Variants in LRP1B observed in about 807,000 individuals in gnomAD.
The protein encoded by LRP1B is LDL receptor related protein 1B, also known as low-density lipoprotein receptor-related protein 1B.
Under a neutral mutation model 556.6 loss-of-function variants are expected in LRP1B, and 217 were observed. The ratio of observed to expected loss-of-function variants is 0.39; its 90% CI spans 0.35 to 0.44. LRP1B has a LOEUF of 0.44. LRP1B is among the 20% of genes least tolerant of loss of function. The pLI is 1.00. For synonymous variants in LRP1B, 2,047 were observed against 1,865.8 expected (o/e 1.10, Z -2.50); for missense variants, 5,053 against 5,620.8 (o/e 0.90, Z 3.23).
At chr2:141,043,452 GA>G (rs1698767981) in intron 11 of LRP1B, among the ~76,000 whole-genome samples, 1 of 151,662 alleles carries the variant, frequency 6.6e-6, no homozygotes, top group South Asian at 2.1e-4. Flanking sequence ...TGTCTATTAT[GA>G]AAAAAGTTTG....
At chr2:141,474,392 T>A (rs1682621917) in intron 3 of LRP1B, among the ~76,000 whole-genome samples, 1 of 135,202 alleles carries the variant, frequency 7.4e-6, no homozygotes, top group African/African-American at 2.6e-5. Flanking sequence ...TGCCTCTAAG[T>A]TCTAAATCAC....
At chr2:141,236,850 G>A (rs184885061) in intron 5 of LRP1B, among the ~76,000 whole-genome samples, 1 of 152,162 alleles carries the variant, frequency 6.6e-6, no homozygotes, top group African/African-American at 2.4e-5. Context: ...TGGGAAAAAT[G>A]TAAGCCCCAG....
At chr2:140,334,957 G>A (rs1680996979) in intron 78 of LRP1B, among the ~76,000 whole-genome samples, 2 of 151,888 alleles carry the variant, frequency 1.3e-5, no homozygotes, top group African/African-American at 4.8e-5. Context: ...TTATAGAGAA[G>A]TAACTATTTT....
At position 141,247,303 on chromosome 2, in the gene LRP1B, G is replaced by A. The variant is rs370115858; in HGVS notation, c.515C>T (p.Thr172Ile). 6.2e-7 allele frequency: 1 copy of A among 1,613,806 alleles called. No homozygotes were observed. The highest frequency in any genetic ancestry group is 8.5e-7 in the Non-Finnish European group (1 of 1,179,780). ...YGTCSQTCRNTHGSYTCSCVE... is the reference protein window; with the variant it reads ...YGTCSQTCRNIHGSYTCSCVE... ...ACAACTGCAAGTGTAGGATCCATGTGTGTTTCTGCAGGTCTGGCTGCATGT... is the reference window on the plus strand; with the variant it reads ...ACAACTGCAAGTGTAGGATCCATGTATGTTTCTGCAGGTCTGGCTGCATGT... Residue 172 changes from threonine (T) to isoleucine (I), a missense_variant, in exon 5 of 91, where the codon ACA becomes ATA. By Grantham distance (89) the Thr-to-Ile change is moderately conservative (BLOSUM62 -1). Around this residue, in one of 5 missense-constraint regions of LRP1B, gnomAD observed 3,619 missense variants for 3,931.9 expected, o/e 0.92. Coordinates refer to ENST00000389484, the MANE Select transcript of LRP1B (RefSeq NM_018557.3).
chr2:140,870,426 G>C (rs1028938555), intron 25 of LRP1B, among the ~76,000 whole-genome samples: 3 of 151,984 alleles, frequency 2.0e-5, no homozygotes, highest in African/African-American at 7.3e-5. Flanking sequence ...ATATGAAGAG[G>C]GTATATAAGC....
chr2:140,596,870 A>G (rs1682463095), intron 43 of LRP1B, among the ~76,000 whole-genome samples: 1 of 152,162 alleles, frequency 6.6e-6, no homozygotes. Context: ...CTATAAAAAC[A>G]TGAAATATAA....
chr2:141,488,280 G>C (rs754851661), intron 2 of LRP1B, among the ~76,000 whole-genome samples: 1 of 152,004 alleles, frequency 6.6e-6, no homozygotes, highest in Non-Finnish European at 1.5e-5. Flanking sequence ...AAAATACTTT[G>C]CTATGTAAAG....
intron 35 of LRP1B, among the ~76,000 whole-genome samples, chr2:140,745,023 C>A (rs1688270158): frequency 6.6e-6 from 1 of 152,020 alleles, no homozygotes; most frequent in Non-Finnish European, 1.5e-5. Context: ...AGAATAAAGT[C>A]AAATATATTA....
rs542644191 is a variant in LRP1B, at chr2:142,072,662, C to G, written c.82+57986G>C. Among the ~76,000 whole-genome samples, 370 of 152,034 alleles carry G rather than the reference C, an allele frequency of 2.4e-3. 1 individual carries two copies. Among genetic ancestry groups the G allele is most frequent in the African/African-American group, 8.4e-3 (348 of 41,510 alleles). On this transcript the variant is annotated intron_variant, in intron 1 of 90. Transcript: ENST00000389484. ...ATTTTGTATGTGGCCCAAGACAATT[C>G]TTTCAGTGTGGCCCAGGGAAGCCAA... is the stretch of plus-strand genomic sequence containing the variant.
At chr2:141,479,501 A>G (rs747883281) in intron 3 of LRP1B, among the ~76,000 whole-genome samples, 72 of 152,066 alleles carry the variant, frequency 4.7e-4, no homozygotes, top group Non-Finnish European at 9.3e-4. Flanking sequence ...CCTTTCTTCT[A>G]TTCTTTGTTG....
In LRP1B at chr2:141,697,729, A is replaced by T. The variant is rs545607604; in HGVS notation, c.205+112550T>A. 3.7e-4 allele frequency among the ~76,000 whole-genome samples: 57 copies of T among 152,074 alleles called. No individual in the cohort carries two copies. The South Asian group carries it at 0.012, about 31-fold the overall frequency. On this transcript the variant is annotated intron_variant, in intron 2 of 90. Transcript: ENST00000389484. ...TTGAAACGAATTAAGAGTCATCAAT[A>T]GACTACAGAACTACAGATTTTCTTC...
chr2:141,345,892 C>A (rs892101796), intron 3 of LRP1B, among the ~76,000 whole-genome samples: 1 of 151,612 alleles, frequency 6.6e-6, no homozygotes, highest in African/African-American at 2.4e-5. Flanking sequence ...GTTTTTTTCC[C>A]ATCCCTTCTT....
intron 41 of LRP1B, among the ~76,000 whole-genome samples, chr2:140,659,934 T>C (rs1685031581): frequency 6.6e-6 from 1 of 152,130 alleles, no homozygotes; most frequent in Non-Finnish European, 1.5e-5. Context: ...TGCAACTGTT[T>C]ATCAATAATT....
chr2:141,389,816 C>A (rs1482201489), intron 3 of LRP1B, among the ~76,000 whole-genome samples: 1 of 152,218 alleles, frequency 6.6e-6, no homozygotes, highest in South Asian at 2.1e-4. Flanking sequence ...AAAAAGTGGG[C>A]AAACAACATT....
chr2:140,803,889 AAAG>A (rs1690615868), intron 32 of LRP1B, among the ~76,000 whole-genome samples: 1 of 139,286 alleles, frequency 7.2e-6, no homozygotes, highest in African/African-American at 2.6e-5. Context: ...CCCCCAAAAA[AAAG>A]AAAGAAAGAA....
intron 43 of LRP1B, among the ~76,000 whole-genome samples, chr2:140,574,061 T>G (rs900017522): frequency 6.6e-6 from 1 of 152,114 alleles, no homozygotes; most frequent in Non-Finnish European, 1.5e-5. Flanking sequence ...TTACTTTCTC[T>G]ATATGTTATA....
chr2:141,359,950 A>T (rs1001726011), intron 3 of LRP1B, among the ~76,000 whole-genome samples: 5 of 152,284 alleles, frequency 3.3e-5, no homozygotes, highest in Non-Finnish European at 7.4e-5. Context: ...GTATAGAAAG[A>T]CACAGATACA....
intron 11 of LRP1B, among the ~76,000 whole-genome samples, chr2:141,021,353 C>A (rs932852946): frequency 1.3e-5 from 2 of 150,098 alleles, no homozygotes; most frequent in Non-Finnish European, 3.0e-5. Flanking sequence ...AAAATGTGAT[C>A]TGATCTAACT....
At chr2:141,255,961 A>T (rs1380447922) in intron 3 of LRP1B, among the ~76,000 whole-genome samples, 1 of 152,012 alleles carries the variant, frequency 6.6e-6, no homozygotes, top group African/African-American at 2.4e-5. Context: ...TTGAGCACAT[A>T]GTCAATGCTA....
Sources: allele counts gnomAD v4.1 joint callset (sites outside exome capture counted in the v4.1 genomes callset), GRCh38; gene constraint gnomAD v4.1.1; regional missense constraint gnomAD v4.1.1; transcripts MANE v1.5; gene names NCBI Gene and HGNC (gene_info 2026-07-23, HGNC 2026-07-21).